Variants in TMEM263 observed in about 807,000 individuals in gnomAD.
TMEM263 encodes the protein UPF0444 transmembrane protein C12orf23.
A neutral mutation model predicts 8.6 loss-of-function variants in TMEM263; 5 were observed. The ratio of observed to expected loss-of-function variants is 0.58; its 90% CI spans 0.31 to 1.23. TMEM263 has a LOEUF of 1.23. Among genes scored for constraint, TMEM263 ranks in the 50% most tolerant of loss-of-function variants. The pLI, the probability that TMEM263 is intolerant of heterozygous loss-of-function variation, is 0.07. For synonymous variants in TMEM263, 50 were observed against 47.9 expected, an observed-to-expected ratio of 1.04 and a Z score of -0.18; for missense variants, 104 against 138.8, an observed-to-expected ratio of 0.75 and a Z score of 1.26.
intron 2 of TMEM263, among the ~76,000 whole-genome samples, chr12:106,961,413 T>C (rs1951777197): frequency 6.6e-6 from 1 of 152,010 alleles, no homozygotes; most frequent in Non-Finnish European, 1.5e-5. Context: ...AACAAAAACA[T>C]GTACCAACAA....
intron 2 of TMEM263, among the ~76,000 whole-genome samples, chr12:106,958,710 G>A (rs55901797): frequency 0.021 from 3,247 of 152,276 alleles, 56 homozygotes; most frequent in Non-Finnish European, 0.031. Context: ...TGTAGAATAA[G>A]TTAAATCATT....
intron 3 of TMEM263, among the ~76,000 whole-genome samples, chr12:106,968,750 GTCT>G (rs904691603): frequency 2.0e-5 from 3 of 152,316 alleles, no homozygotes; most frequent in South Asian, 2.1e-4. Flanking sequence ...ACAATTATTT[GTCT>G]TCTTTAAATG....
chr12:106,970,293 A>G (rs908638130), intron 3 of TMEM263, among the ~76,000 whole-genome samples: 1 of 152,206 alleles, frequency 6.6e-6, no homozygotes, highest in Non-Finnish European at 1.5e-5. Context: ...TATTTACCAT[A>G]TTAGCAATAA....
intron 2 of TMEM263, among the ~76,000 whole-genome samples, chr12:106,965,457 A>G (rs1407565938): frequency 6.6e-6 from 1 of 152,050 alleles, no homozygotes; most frequent in East Asian, 1.9e-4. Flanking sequence ...AAATACAAAA[A>G]TTAGCCAGGC....
chr12:106,960,673 C>T (rs577164592), intron 2 of TMEM263, among the ~76,000 whole-genome samples: 2 of 152,070 alleles, frequency 1.3e-5, no homozygotes, highest in East Asian at 1.9e-4. Flanking sequence ...AGAATATACC[C>T]GGAAGCAGCC....
At chr12:106,970,999 T>A in intron 3 of TMEM263, 106 bp from the exon 4 acceptor site, 1 of 1,200,090 alleles carries the variant, frequency 8.3e-7, no homozygotes, top group Non-Finnish European at 1.2e-6. Context: ...CCTTATCAAA[T>A]CAACCTCCTG....
Position 106,971,139 on chromosome 12 carries a change from C to T in TMEM263, c.99C>T (p.Gly33=). 1 of 1,614,210 alleles carries T rather than the reference C, an allele frequency of 6.2e-7. No individual in the cohort carries two copies. Among genetic ancestry groups the T allele is most frequent in the Non-Finnish European group, 8.5e-7 (1 of 1,180,036 alleles). ...SMKDHPQQQP[G]MLSRVTGGIF... ...AAGATCACCCACAGCAGCAGCCAGG[C>T]ATGTTGTCCCGTGTGACTGGGGGTA... The change falls in exon 4 of 4, where the codon GGC becomes GGT. Residue 33 remains glycine (G), a synonymous_variant. Transcript: ENST00000280756.
At chr12:106,958,500 G>T (rs558200167) in intron 2 of TMEM263, among the ~76,000 whole-genome samples, 1 of 152,200 alleles carries the variant, frequency 6.6e-6, no homozygotes, top group Admixed American at 6.5e-5. Context: ...TGATACTATT[G>T]TACTGGGCAA....
At chr12:106,970,171 A>G (rs527752130) in intron 3 of TMEM263, among the ~76,000 whole-genome samples, 1 of 152,310 alleles carries the variant, frequency 6.6e-6, no homozygotes, top group African/African-American at 2.4e-5. Flanking sequence ...TAAGGGAGAC[A>G]TAGAGCAGAG....
At chr12:106,957,455 ATT>A (rs546559664) in intron 2 of TMEM263, among the ~76,000 whole-genome samples, 30 of 146,000 alleles carry the variant, frequency 2.1e-4, no homozygotes, top group African/African-American at 6.5e-4. Context: ...CATGGGTTTG[ATT>A]TTTTTTTTTT....
intron 3 of TMEM263, among the ~76,000 whole-genome samples, chr12:106,968,264 C>A (rs1306832407): frequency 6.6e-6 from 1 of 151,486 alleles, no homozygotes; most frequent in African/African-American, 2.4e-5. Flanking sequence ...AAAATAGCAA[C>A]AAAGGGTTTA....
intron 3 of TMEM263, among the ~76,000 whole-genome samples, chr12:106,969,621 G>T (rs2136776316): frequency 6.6e-6 from 1 of 151,832 alleles, no homozygotes; most frequent in East Asian, 1.9e-4. Context: ...AGCTACTCAG[G>T]AGGCTGAGGC....
intron 2 of TMEM263, among the ~76,000 whole-genome samples, chr12:106,960,347 T>A (rs1951754949): frequency 6.6e-6 from 1 of 152,066 alleles, no homozygotes; most frequent in Non-Finnish European, 1.5e-5. Context: ...TGTTTTTTTT[T>A]TTTTTAGTCC....
intron 3 of TMEM263, 87 bp downstream of exon 3, chr12:106,967,267 T>A (rs1440314264): frequency 2.4e-6 from 2 of 830,316 alleles, no homozygotes. Flanking sequence ...TTTTATTTTA[T>A]TTTTTTTTGA....
At position 106,957,094 on chromosome 12, in the gene TMEM263, C is replaced by A; in HGVS notation, c.-62C>A. On this transcript the variant is annotated 5_prime_UTR_variant, in exon 2 of 4. It adds an upstream start codon to the 5' untranslated region. Coordinates refer to ENST00000280756, the MANE Select transcript of TMEM263 (RefSeq NM_152261.4). The stretch of plus-strand genomic sequence containing the variant: ...TGCTATTGTTTAGCCTTTGAAACTT[C>A]TGCTGGTGTGAGTGCCCTCAGGGGT... 1 of 985,424 alleles carries A rather than the reference C, an allele frequency of 1.0e-6. No individual in the cohort carries two copies. The highest frequency in any genetic ancestry group is 4.7e-5 in the South Asian group (1 of 21,282). The allele number at this position is 985,424 out of a possible 1,614,324, so 61.0% of individuals were successfully genotyped here. A position where few individuals can be genotyped will look rare whatever the true frequency, so the allele number is the denominator to read the frequency against.
chr12:106,956,004 C>T lies in TMEM263; in HGVS notation c.-136C>T, dbSNP rs1951682565. On this transcript the variant is annotated 5_prime_UTR_variant, in exon 1 of 4. Transcript: ENST00000280756. The stretch of plus-strand genomic sequence containing the variant: ...CTGCCGCCCAGGCCGCCTCAGCTCT[C>T]CTCTGCGCCGGCCCGCTCACTCCGC... The T allele has an allele frequency of 3.0e-6, 3 of 985,868 alleles. No individual in the cohort carries two copies. Among genetic ancestry groups the T allele is most frequent in the South Asian group, 9.4e-5 (2 of 21,310 alleles). 61.1% of individuals were successfully genotyped at this position (985,868 alleles called of 1,614,324 possible).
chr12:106,967,065 A>T, intron 2 of TMEM263, 46 bp from the exon 3 acceptor site: 1 of 1,268,082 alleles, frequency 7.9e-7, no homozygotes, highest in Non-Finnish European at 1.1e-6. Flanking sequence ...AGGTAGTCTC[A>T]CATGTTGAGG....
intron 2 of TMEM263, among the ~76,000 whole-genome samples, chr12:106,962,500 T>C (rs116468773): frequency 2.0e-5 from 3 of 152,242 alleles, no homozygotes; most frequent in African/African-American, 2.4e-5. Flanking sequence ...TCTCTTTTGC[T>C]CACCTCTTAA....
Position 106,956,682 on chromosome 12 carries a change from A to G in TMEM263, c.-74-400A>G, listed in dbSNP as rs990162652. 4.6e-5 allele frequency: 7 copies of G among 152,510 alleles called. No homozygotes were observed. In the East Asian group the frequency reaches 1.4e-3, roughly 29 times the overall value. 9.4% of individuals were successfully genotyped at this position (152,510 alleles called of 1,614,324 possible). On this transcript the variant is annotated intron_variant, in intron 1 of 3. Transcript: ENST00000280756. ...TCTAAATAAAAACTGCCTGCTCTGCACACGCAGCTTCAAGACCGACCCCCC... is the reference window on the plus strand; with the variant it reads ...TCTAAATAAAAACTGCCTGCTCTGCGCACGCAGCTTCAAGACCGACCCCCC...
Sources: gnomAD v4.1 joint callset for allele counts (sites outside exome capture counted in the v4.1 genomes callset) on GRCh38, gnomAD v4.1.1 for gene constraint, MANE v1.5 for transcripts, NCBI Gene and HGNC (gene_info 2026-07-23, HGNC 2026-07-21) for gene names.